Variants in CCDC60 observed in about 807,000 individuals in gnomAD.
CCDC60 encodes coiled-coil domain containing 60, also known as coiled-coil domain-containing protein 60.
Under a neutral mutation model 63.5 loss-of-function variants are expected in CCDC60, and 54 were observed. That is an observed-to-expected ratio of 0.85 (90% confidence interval 0.68 to 1.07). CCDC60 has a LOEUF of 1.07. CCDC60 is among the 50% of genes least tolerant of loss of function. The probability of loss-of-function intolerance (pLI) is 0.00; values close to 1 mark genes in which losing one functional copy is unlikely to be tolerated. For missense variants in CCDC60, 651 were observed against 684.3 expected (o/e 0.95, Z 0.54); for synonymous variants, 206 against 238.8 (o/e 0.86, Z 1.27).
At chr12:119,528,233 TA>T (rs1952745614) in intron 11 of CCDC60, among the ~76,000 whole-genome samples, 1 of 151,976 alleles carries the variant, frequency 6.6e-6, no homozygotes, top group Non-Finnish European at 1.5e-5. Context: ...CAGCACAAGT[TA>T]ACACCTACTG....
At chr12:119,487,466 T>C (rs1418949636) in intron 4 of CCDC60, among the ~76,000 whole-genome samples, 1 of 151,980 alleles carries the variant, frequency 6.6e-6, no homozygotes, top group Non-Finnish European at 1.5e-5. Flanking sequence ...CACAGCTAAT[T>C]TTTGTATTTT....
At chr12:119,445,048 T>TTACC (rs1025867383) in intron 2 of CCDC60, among the ~76,000 whole-genome samples, 2 of 152,092 alleles carry the variant, frequency 1.3e-5, no homozygotes, top group African/African-American at 4.8e-5. Flanking sequence ...CAGCTGCACT[T>TTACC]TACCATACAA....
At chr12:119,357,557 C>T (rs547088613) in intron 1 of CCDC60, among the ~76,000 whole-genome samples, 4 of 151,942 alleles carry the variant, frequency 2.6e-5, no homozygotes, top group African/African-American at 9.7e-5. Flanking sequence ...CAAGTTTAAG[C>T]GATTCTCCTG....
At chr12:119,345,910 C>T (rs1453460469) in intron 1 of CCDC60, among the ~76,000 whole-genome samples, 2 of 151,854 alleles carry the variant, frequency 1.3e-5, no homozygotes, top group Non-Finnish European at 2.9e-5. Context: ...CTCCACCTCC[C>T]GGGTTCAAGG....
At chr12:119,499,390 G>A (rs547865583) in intron 5 of CCDC60, among the ~76,000 whole-genome samples, 1 of 152,234 alleles carries the variant, frequency 6.6e-6, no homozygotes, top group East Asian at 1.9e-4. Context: ...CCTGGAAGAG[G>A]GACCCACACT....
intron 1 of CCDC60, among the ~76,000 whole-genome samples, chr12:119,358,068 A>G (rs1016947855): frequency 1.3e-5 from 2 of 152,124 alleles, no homozygotes; most frequent in South Asian, 2.1e-4. Context: ...AGCACTCACT[A>G]TCATGAGGAC....
intron 2 of CCDC60, among the ~76,000 whole-genome samples, chr12:119,457,148 C>G (rs1218913072): frequency 6.6e-6 from 1 of 152,206 alleles, no homozygotes; most frequent in East Asian, 1.9e-4. Flanking sequence ...GTTCTTCCAG[C>G]TCAAACGGAA....
intron 2 of CCDC60, among the ~76,000 whole-genome samples, chr12:119,450,280 G>T (rs1362873580): frequency 6.6e-6 from 1 of 152,072 alleles, no homozygotes; most frequent in African/African-American, 2.4e-5. Context: ...TGGGAGGAGG[G>T]CTAGGGATGA....
chr12:119,497,194 G>A (rs1951732760), intron 5 of CCDC60, among the ~76,000 whole-genome samples: 1 of 152,222 alleles, frequency 6.6e-6, no homozygotes, highest in African/African-American at 2.4e-5. Flanking sequence ...CCTTCAGAGA[G>A]CAGAGAAGGC....
At chr12:119,469,797 G>A (rs1013099275) in intron 2 of CCDC60, among the ~76,000 whole-genome samples, 12 of 152,060 alleles carry the variant, frequency 7.9e-5, no homozygotes, top group African/African-American at 1.4e-4. Context: ...GTTGAGATGC[G>A]AAAAAATGGG....
At chr12:119,455,408 G>A (rs1950707638) in intron 2 of CCDC60, among the ~76,000 whole-genome samples, 1 of 152,212 alleles carries the variant, frequency 6.6e-6, no homozygotes, top group African/African-American at 2.4e-5. Flanking sequence ...AAGTACATAG[G>A]TACAAGGAGC....
rs575604649 is a variant in CCDC60, at chr12:119,439,283, A to G, written c.170+10521A>G. ...TGTGTGTGTGCACGTGCATGCATAC[A>G]CACACACATGTGAGAGACAGAGTGT... On this transcript the variant is annotated intron_variant, in intron 2 of 13. Coordinates refer to ENST00000327554, the MANE Select transcript of CCDC60 (RefSeq NM_178499.5). 9.9e-5 allele frequency among the ~76,000 whole-genome samples: 15 copies of G among 151,974 alleles called. No homozygotes were observed. In the South Asian group the frequency reaches 3.1e-3, roughly 32 times the overall value.
intron 1 of CCDC60, among the ~76,000 whole-genome samples, chr12:119,349,966 T>A (rs2136152286): frequency 6.6e-6 from 1 of 152,220 alleles, no homozygotes; most frequent in East Asian, 1.9e-4. Flanking sequence ...TCTAGTAGTC[T>A]CTTTAAGTCA....
intron 2 of CCDC60, among the ~76,000 whole-genome samples, chr12:119,443,022 T>C (rs1950476830): frequency 6.6e-6 from 1 of 152,238 alleles, no homozygotes; most frequent in Non-Finnish European, 1.5e-5. Flanking sequence ...ACAGTGTTCA[T>C]GAAAGTAACT....
chr12:119,457,719 G>C (rs915374298), intron 2 of CCDC60, among the ~76,000 whole-genome samples: 2 of 150,946 alleles, frequency 1.3e-5, no homozygotes, highest in East Asian at 1.9e-4. Flanking sequence ...TGGTTGGCGG[G>C]GGGGAGAATA....
At chr12:119,409,848 T>G (rs1473413203) in intron 1 of CCDC60, among the ~76,000 whole-genome samples, 1 of 152,000 alleles carries the variant, frequency 6.6e-6, no homozygotes, top group Non-Finnish European at 1.5e-5. Flanking sequence ...TCTCTCTGTG[T>G]GTCTCCTTCT....
intron 2 of CCDC60, among the ~76,000 whole-genome samples, chr12:119,468,450 G>A (rs1344671707): frequency 6.6e-6 from 1 of 152,176 alleles, no homozygotes; most frequent in South Asian, 2.1e-4. Context: ...AACATGAGCT[G>A]AGCAGATATG....
Position 119,505,238 on chromosome 12 carries a change from G to A in CCDC60, c.818G>A (p.Ser273Asn). The change falls in exon 7 of 14, where the codon AGC becomes AAC. Residue 273 changes from serine to asparagine, a missense_variant. Physicochemically the swap from Ser to Asn is conservative, Grantham distance 46. Transcript: ENST00000327554. ...EPPSVNTQVTSSKDIEDNESS... is the reference protein window; with the variant it reads ...EPPSVNTQVTNSKDIEDNESS... ...CCAAGTGTGAACACCCAGGTGACCA[G>A]CAGCAAGGACATTGAGGACAATGAG... 1 of 1,613,722 alleles carries A rather than the reference G, an allele frequency of 6.2e-7. No homozygotes were observed. Among genetic ancestry groups the A allele is most frequent in the Non-Finnish European group, 8.5e-7 (1 of 1,180,038 alleles).
In CCDC60 at chr12:119,479,636, A is replaced by G. The variant is rs12814831; in HGVS notation, c.449+435A>G. 728 of 154,924 alleles carry G rather than the reference A, an allele frequency of 4.7e-3. 7 individuals carry two copies. Among genetic ancestry groups the G allele is most frequent in the African/African-American group, 0.016 (686 of 41,590 alleles). The allele number at this position is 154,924 out of a possible 1,614,324, so 9.6% of individuals were successfully genotyped here. ...TGTGTGGTGCAACAGGAACTAATCA[A>G]CCTTCCAAAGAACACTCTTGCTTTC... On this transcript the variant is annotated intron_variant, in intron 4 of 13. Transcript: ENST00000327554.
Sources: gnomAD v4.1 joint callset for allele counts (sites outside exome capture counted in the v4.1 genomes callset) on GRCh38, gnomAD v4.1.1 for gene constraint, MANE v1.5 for transcripts, NCBI Gene and HGNC (gene_info 2026-07-23, HGNC 2026-07-21) for gene names.